The following RPTOR variants were observed in gnomAD, a reference collection of about 807,000 sequenced individuals.
The protein encoded by RPTOR is regulatory associated protein of MTOR complex 1, also known as regulatory-associated protein of mTOR.
In RPTOR, 21 loss-of-function variants were observed where a neutral mutation model predicts 169.9. That is an observed-to-expected ratio of 0.12 (90% CI 0.09 to 0.18). The LOEUF (loss-of-function observed/expected upper bound fraction) is 0.18. Among genes scored for constraint, RPTOR ranks in the 10% least tolerant of loss-of-function variants. The pLI, the probability that RPTOR is intolerant of heterozygous loss-of-function variation, is 1.00. For missense variants in RPTOR, 1,133 were observed against 1,855.9 expected (o/e 0.61, Z 7.16); for synonymous variants, 732 against 753.2 (o/e 0.97, Z 0.46).
intron 11 of RPTOR, among the ~76,000 whole-genome samples, chr17:80,853,907 G>A (rs1303985153): frequency 2.6e-5 from 4 of 152,082 alleles, no homozygotes; most frequent in Non-Finnish European, 5.9e-5. Context: ...CATGAACCCG[G>A]GAGGTGGAGC....
At chr17:80,795,074 G>GA (rs1169084229) in intron 7 of RPTOR, among the ~76,000 whole-genome samples, 1 of 152,140 alleles carries the variant, frequency 6.6e-6, no homozygotes, top group African/African-American at 2.4e-5. Flanking sequence ...TGTAGGGGAG[G>GA]AAAAAAACAC....
At chr17:80,793,680 GGC>G (rs1418894306) in intron 7 of RPTOR, among the ~76,000 whole-genome samples, 1 of 152,134 alleles carries the variant, frequency 6.6e-6, no homozygotes, top group African/African-American at 2.4e-5. Flanking sequence ...CTGTGTCTGT[GGC>G]TACTCCGGAC....
chr17:80,545,191 A>G lies in RPTOR; in HGVS notation c.-439A>G, dbSNP rs1211331112. The G allele has an allele frequency of 1.3e-5, 3 of 235,430 alleles. No homozygotes were observed. Among genetic ancestry groups the G allele is most frequent in the Admixed American group, 5.6e-5 (1 of 17,876 alleles). The allele number at this position is 235,430 out of a possible 1,614,324, so 14.6% of individuals were successfully genotyped here. A position where few individuals can be genotyped will look rare whatever the true frequency, so the allele number is the denominator to read the frequency against. ...ACCCGATCCCTTGGCCGGAGACCTC[A>G]GCCCAGTCGGCCCAGTGGGCGAACC... On this transcript the variant is annotated 5_prime_UTR_variant, in exon 1 of 34. Coordinates refer to ENST00000306801, the MANE Select transcript of RPTOR (RefSeq NM_020761.3).
At chr17:80,644,793 C>T (rs1360715867) in intron 3 of RPTOR, among the ~76,000 whole-genome samples, 4 of 152,114 alleles carry the variant, frequency 2.6e-5, no homozygotes, top group Admixed American at 6.5e-5. Flanking sequence ...TTTTTTCCTG[C>T]CTTTAAAAAT....
chr17:80,891,371 C>G (rs2672884), intron 17 of RPTOR, among the ~76,000 whole-genome samples: 111,162 of 151,912 alleles, frequency 0.73, 40,902 homozygotes, highest in African/African-American at 0.79. Context: ...TCCCAGTGGT[C>G]ACCGTAAGCG....
chr17:80,957,694 C>T lies in RPTOR; in HGVS notation c.3441C>T (p.Val1147=). The T allele has an allele frequency of 6.2e-7, 1 of 1,614,148 alleles. No homozygotes were observed. Among genetic ancestry groups the T allele is most frequent in the Non-Finnish European group, 8.5e-7 (1 of 1,180,042 alleles). ...TGAGCTCAGGAGACGTGCGGATCGT[C>T]CGGATCTGGGACACAGACCGTGAGA... ...LLMSSGDVRI[V]RIWDTDREMK... The change falls in exon 29 of 34, where the codon GTC becomes GTT. Residue 1147 remains valine, a synonymous_variant. Coordinates refer to ENST00000306801, the MANE Select transcript of RPTOR (RefSeq NM_020761.3). The surrounding 1 kb of genome is among the most constrained non-coding windows in gnomAD (Gnocchi z 4.6).
Position 80,685,631 on chromosome 17 carries a change from T to TA in RPTOR, c.349-22210_349-22209insA, listed in dbSNP as rs1230782041. Among the ~76,000 whole-genome samples the TA allele has an allele frequency of 1.5e-3, 57 of 36,930 alleles. 5 individuals carry two copies. The East Asian group carries it at 0.024, about 16-fold the overall frequency. The allele number at this position is 36,930 out of a possible 152,430, so 24.2% of individuals were successfully genotyped here. A position where few individuals can be genotyped will look rare whatever the true frequency, so the allele number is the denominator to read the frequency against. The stretch of plus-strand genomic sequence containing the variant: ...TATATATATATATATATATATATTT[T>TA]TTTTTTTTTTTTTTTTTTTTTTTTT... On this transcript the variant is annotated intron_variant, in intron 3 of 33. Coordinates refer to ENST00000306801, the MANE Select transcript of RPTOR (RefSeq NM_020761.3).
intron 20 of RPTOR, among the ~76,000 whole-genome samples, chr17:80,899,701 G>A (rs559137535): frequency 1.3e-5 from 2 of 152,382 alleles, no homozygotes; most frequent in South Asian, 2.1e-4. Context: ...CAGAGACCGC[G>A]TGTAGGTGAA....
intron 21 of RPTOR, among the ~76,000 whole-genome samples, chr17:80,913,830 C>T (rs1328646170): frequency 1.3e-5 from 2 of 152,174 alleles, no homozygotes; most frequent in Non-Finnish European, 2.9e-5. Flanking sequence ...CAGGAGCCTG[C>T]CTGTGGCCCC....
chr17:80,814,512 TATC>T (rs1159348031), intron 7 of RPTOR, among the ~76,000 whole-genome samples: 1 of 152,240 alleles, frequency 6.6e-6, no homozygotes, highest in Non-Finnish European at 1.5e-5. Context: ...TTTTCTTTTT[TATC>T]ATCATTTGAG....
intron 6 of RPTOR, among the ~76,000 whole-genome samples, chr17:80,788,699 A>G (rs145663878): frequency 6.6e-6 from 1 of 152,226 alleles, no homozygotes; most frequent in African/African-American, 2.4e-5. Context: ...TCTGTATATC[A>G]TAAGACCTCA....
At chr17:80,782,445 A>T (rs1378253348) in intron 6 of RPTOR, among the ~76,000 whole-genome samples, 1 of 152,102 alleles carries the variant, frequency 6.6e-6, no homozygotes, top group Non-Finnish European at 1.5e-5. Context: ...CCACAAAGCC[A>T]TTCTACATCC....
In RPTOR at chr17:80,601,555, C is replaced by CTTCTTTTTTTTTTTT. The variant is rs1555594158; in HGVS notation, c.163-24134_163-24133insCTTTTTTTTTTTTTT. Among the ~76,000 whole-genome samples the CTTCTTTTTTTTTTTT allele has an allele frequency of 2.7e-3, 48 of 17,986 alleles. 8 individuals are homozygous for CTTCTTTTTTTTTTTT. The highest frequency in any genetic ancestry group is 7.9e-3 in the East Asian group (5 of 632). The allele number at this position is 17,986 out of a possible 152,430, so 11.8% of individuals were successfully genotyped here. A position where few individuals can be genotyped will look rare whatever the true frequency, so the allele number is the denominator to read the frequency against. On this transcript the variant is annotated intron_variant, in intron 1 of 33. Transcript: ENST00000306801. ...CTGCTGTTGGTGAAGATGGTTCAGT[C>CTTCTTTTTTTTTTTT]TTTTTTTTTTTTTTTTTAAATTTAT... is the stretch of plus-strand genomic sequence containing the variant.
At chr17:80,639,318 G>A (rs2065533713) in intron 2 of RPTOR, among the ~76,000 whole-genome samples, 1 of 151,306 alleles carries the variant, frequency 6.6e-6, no homozygotes, top group Non-Finnish European at 1.5e-5. Flanking sequence ...CTAAATACAC[G>A]GTACAAAGAA....
intron 1 of RPTOR, among the ~76,000 whole-genome samples, chr17:80,575,634 GT>G (rs2064956268): frequency 6.6e-6 from 1 of 152,184 alleles, no homozygotes; most frequent in Non-Finnish European, 1.5e-5. Flanking sequence ...AGGCCCGTGC[GT>G]GGTCAGTTTT....
chr17:80,822,095 C>T (rs1474302893), intron 7 of RPTOR, 106 bp from the exon 8 acceptor site: 7 of 972,864 alleles, frequency 7.2e-6, no homozygotes, highest in Admixed American at 1.7e-5. Context: ...CTTCCTCCCT[C>T]GCTCAGAGCC....
At chr17:80,734,166 C>A in intron 5 of RPTOR, among the ~76,000 whole-genome samples, 1 of 152,076 alleles carries the variant, frequency 6.6e-6, no homozygotes, top group East Asian at 1.9e-4. Context: ...GTTTGCTTTT[C>A]CTGGACATTT....
chr17:80,785,436 G>T (rs145672176), intron 6 of RPTOR, among the ~76,000 whole-genome samples: 14 of 152,338 alleles, frequency 9.2e-5, no homozygotes, highest in African/African-American at 3.1e-4. Context: ...TAAAAGGTTG[G>T]CAGTTTTAAA....
intron 9 of RPTOR, 67 bp from the exon 10 acceptor site, chr17:80,837,855 C>T: frequency 6.2e-6 from 9 of 1,463,384 alleles, no homozygotes; most frequent in Non-Finnish European, 8.5e-6. Flanking sequence ...CTCCTGTGCC[C>T]TGTGAAGTGG....
Sources: allele counts gnomAD v4.1 joint callset (sites outside exome capture counted in the v4.1 genomes callset), GRCh38; gene constraint gnomAD v4.1.1; non-coding constraint Gnocchi (gnomAD v3.1); transcripts MANE v1.5; gene names NCBI Gene and HGNC (gene_info 2026-07-23, HGNC 2026-07-21).